Variants in CEP76 observed in about 807,000 individuals in gnomAD.
CEP76 encodes the protein centrosomal protein 76.
In CEP76, 55 loss-of-function variants were observed where a neutral mutation model predicts 83.3. The observed-to-expected ratio is 0.66, with a 90% CI of 0.53 to 0.83. CEP76 has a LOEUF of 0.83. Among genes scored for constraint, CEP76 ranks in the 40% least tolerant of loss-of-function variants. CEP76 has a pLI of 0.00. For missense variants in CEP76, 694 were observed against 799.5 expected (o/e 0.87, Z 1.59); for synonymous variants, 270 against 274.5 (o/e 0.98, Z 0.16).
At chr18:12,685,482 A>G (rs2039509186) in intron 8 of CEP76, 1 of 152,158 alleles carries the variant, frequency 6.6e-6, no homozygotes, top group Non-Finnish European at 1.5e-5. Context: ...ACATGAGAAA[A>G]TAAAGATGCT....
intron 8 of CEP76, among the ~76,000 whole-genome samples, chr18:12,682,804 TAG>T (rs748807419): frequency 2.6e-5 from 4 of 151,504 alleles, no homozygotes; most frequent in African/African-American, 9.7e-5. Flanking sequence ...GTATTTTTAG[TAG>T]AGAGAGAGTT....
Position 12,678,376 on chromosome 18 carries a change from T to C in CEP76, c.1356A>G (p.Pro452=). The change falls in exon 10 of 12, where the codon CCA becomes CCG. Residue 452 remains proline, a synonymous_variant. Transcript: ENST00000262127. ...PVAEQPKPLY[P]YRTIGCVFNH... ...TGAAAACACAACCAATTGTTCGATA[T>C]GGGTACAGTGGTTTGGGCTGTTCAG... 2.5e-6 allele frequency: 4 copies of C among 1,614,128 alleles called. No individual in the cohort carries two copies. Among genetic ancestry groups the C allele is most frequent in the Non-Finnish European group, 3.4e-6 (4 of 1,180,016 alleles).
chr18:12,662,016 T>C, exon 13 of CEP76: 1 of 262,154 alleles, frequency 3.8e-6, no homozygotes, highest in Non-Finnish European at 7.9e-6. Flanking sequence ...TTTTTTATAT[T>C]TACTTCTTAT....
intron 8 of CEP76, among the ~76,000 whole-genome samples, chr18:12,683,928 ATAGG>A (rs1316476248): frequency 1.3e-5 from 2 of 151,562 alleles, no homozygotes; most frequent in African/African-American, 4.8e-5. Context: ...GAATAGAATT[ATAGG>A]TAAAGTTTCA....
chr18:12,671,133 G>GGC (rs1781792497), downstream of CEP76: 1 of 150,042 alleles, frequency 6.7e-6, no homozygotes, highest in Non-Finnish European at 1.5e-5. Flanking sequence ...AGAGAAATAG[G>GGC]GGGGGGTCTC....
At chr18:12,688,712 A>C (rs536589595) in intron 7 of CEP76, among the ~76,000 whole-genome samples, 1 of 152,320 alleles carries the variant, frequency 6.6e-6, no homozygotes, top group East Asian at 1.9e-4. Context: ...TTTTAATTAA[A>C]ATTTAAAATT....
At chr18:12,668,597 CAAAAAAA>C (rs752216074), downstream of CEP76, among the ~76,000 whole-genome samples, 223 of 72,732 alleles carry the variant, frequency 3.1e-3, no homozygotes, top group South Asian at 5.3e-3. Flanking sequence ...GATTCCATCT[CAAAAAAA>C]AAAAAAAAAA....
At chr18:12,678,048 A>C (rs2039207385) in intron 10 of CEP76, 61 bp downstream of exon 10, 1 of 1,382,650 alleles carries the variant, frequency 7.2e-7, no homozygotes, top group South Asian at 1.3e-5. Flanking sequence ...ACACACCAAA[A>C]AACAGTTAAA....
chr18:12,685,656 C>T (rs1274275516), intron 8 of CEP76: 2 of 147,078 alleles, frequency 1.4e-5, no homozygotes, highest in African/African-American at 5.0e-5. Context: ...TTTTTTGAGA[C>T]GTGTCTTGCT....
At chr18:12,686,227 T>C (rs771969349) in intron 8 of CEP76, 35 bp downstream of exon 8, 1 of 1,524,044 alleles carries the variant, frequency 6.6e-7, no homozygotes, top group Non-Finnish European at 9.0e-7. Flanking sequence ...AACTATGATA[T>C]ACTGCTACTT....
In CEP76 at chr18:12,674,721, C is replaced by A; in HGVS notation, c.1656G>T (p.Gln552His). 1 of 1,613,960 alleles carries A rather than the reference C, an allele frequency of 6.2e-7. No homozygotes were observed. Among genetic ancestry groups the A allele is most frequent in the African/African-American group, 1.3e-5 (1 of 75,024 alleles). The part of the protein sequence containing the change: ...DLGLTTVWED[Q>H]LSYLLSPALA... ...AAGCTGGTGATAAAAGGTAGGAGAG[C>A]TGGTCTTCCCAAACAGTAGTGAGGC... Residue 552 changes from glutamine to histidine, a missense_variant, in exon 11 of 12, where the codon CAG (glutamine) becomes CAT (histidine). Transcript: ENST00000262127.
chr18:12,699,299 C>A, intron 3 of CEP76, 96 bp from the exon 4 acceptor site: 3 of 841,174 alleles, frequency 3.6e-6, no homozygotes, highest in Non-Finnish European at 5.6e-6. Context: ...GATAAAAACC[C>A]AATACCAAAG....
At chr18:12,698,680 C>T in intron 4 of CEP76, 1 of 263,496 alleles carries the variant, frequency 3.8e-6, no homozygotes, top group Non-Finnish European at 7.2e-6. Flanking sequence ...TCTCATTTTC[C>T]ACTATATCAT....
chr18:12,679,191 A>G (rs1173502457), intron 9 of CEP76: 1 of 152,236 alleles, frequency 6.6e-6, no homozygotes, highest in Non-Finnish European at 1.5e-5. Flanking sequence ...ATGATAAAAA[A>G]GAAGCTAAGG....
chr18:12,668,276 C>T (rs2038846647), downstream of CEP76, among the ~76,000 whole-genome samples: 1 of 150,596 alleles, frequency 6.6e-6, no homozygotes, highest in Admixed American at 6.6e-5. Context: ...CCCCCAACTC[C>T]TCCCACCGCC....
Position 12,672,635 on chromosome 18 carries a change from A to G in CEP76, c.*730T>C, listed in dbSNP as rs957750882. The G allele has an allele frequency of 1.0e-6, 1 of 981,558 alleles. No individual in the cohort carries two copies. The highest frequency in any genetic ancestry group is 1.8e-5 in the African/African-American group (1 of 57,142). 60.8% of individuals were successfully genotyped at this position (981,558 alleles called of 1,614,324 possible). A position where few individuals can be genotyped will look rare whatever the true frequency, so the allele number is the denominator to read the frequency against. Reference sequence around the variant, plus strand: ...TCTGACCACAGAAAATCAGTGATCGACTGCAAGATCACAATTTATCAGTAT... The same window carrying G: ...TCTGACCACAGAAAATCAGTGATCGGCTGCAAGATCACAATTTATCAGTAT... On this transcript the variant is annotated 3_prime_UTR_variant, in exon 12 of 12. Transcript: ENST00000262127.
intron 8 of CEP76, among the ~76,000 whole-genome samples, chr18:12,682,394 G>T (rs1208918966): frequency 2.6e-5 from 4 of 152,166 alleles, no homozygotes; most frequent in Admixed American, 6.5e-5. Flanking sequence ...TCACCAAGTT[G>T]CCCTGGCTGG....
At chr18:12,682,402 T>C (rs1490854665) in intron 8 of CEP76, among the ~76,000 whole-genome samples, 4 of 152,134 alleles carry the variant, frequency 2.6e-5, no homozygotes, top group South Asian at 2.1e-4. Flanking sequence ...TTGCCCTGGC[T>C]GGTCTCGAAT....
chr18:12,689,679 C>A (rs1468954495), intron 7 of CEP76, among the ~76,000 whole-genome samples: 3 of 152,272 alleles, frequency 2.0e-5, no homozygotes, highest in African/African-American at 7.2e-5. Context: ...TTCACTGCCT[C>A]ACTCCATCCT....
Sources: gnomAD v4.1 joint callset for allele counts (sites outside exome capture counted in the v4.1 genomes callset) on GRCh38, gnomAD v4.1.1 for gene constraint, MANE v1.5 for transcripts, NCBI Gene and HGNC (gene_info 2026-07-23, HGNC 2026-07-21) for gene names.